RGS7: variants seen among roughly 807,000 people sequenced by gnomAD.
RGS7 encodes the protein regulator of G protein signaling 7, also known as regulator of G-protein signaling 7.
RGS7 carries 27 observed loss-of-function variants against 81.1 expected under a neutral mutation model. The ratio of observed to expected loss-of-function variants is 0.33; its 90% CI spans 0.25 to 0.46. The LOEUF (loss-of-function observed/expected upper bound fraction) is 0.46, where lower values mean the gene tolerates loss of function less well. Ranked by LOEUF, RGS7 falls within the 20% of genes least tolerant of loss-of-function variation. RGS7 has a pLI of 1.00. For missense variants in RGS7, 396 were observed against 607.4 expected (o/e 0.65, Z 3.66); for synonymous variants, 208 against 207.7 (o/e 1.00, Z -0.01).
intron 13 of RGS7, 72 bp from the exon 14 acceptor site, chr1:240,812,115 C>T (rs572612105): frequency 1.0e-5 from 16 of 1,557,842 alleles, no homozygotes; most frequent in Middle Eastern, 1.7e-4. Context: ...TTACATTCCC[C>T]TTCAAAATCA....
chr1:240,890,373 G>A (rs569848842), intron 6 of RGS7, among the ~76,000 whole-genome samples: 2 of 152,138 alleles, frequency 1.3e-5, no homozygotes, highest in South Asian at 4.1e-4. Context: ...AAATGGTCTC[G>A]ATCTCTTGAC....
chr1:241,328,275 T>C (rs913610612), intron 2 of RGS7, among the ~76,000 whole-genome samples: 2 of 152,248 alleles, frequency 1.3e-5, no homozygotes, highest in African/African-American at 4.8e-5. Flanking sequence ...CTTGTTCCAA[T>C]CATTTAGCTT....
intron 2 of RGS7, among the ~76,000 whole-genome samples, chr1:241,139,677 T>G (rs866567946): frequency 1.3e-5 from 2 of 152,210 alleles, no homozygotes; most frequent in African/African-American, 4.8e-5. Flanking sequence ...TGTCTGTCTT[T>G]TTTATTATAA....
intron 4 of RGS7, among the ~76,000 whole-genome samples, chr1:240,961,333 C>CGTT (rs10625268): frequency 6.6e-6 from 1 of 152,106 alleles, no homozygotes. Flanking sequence ...ATCTCCTCCT[C>CGTT]ATCAGATAAT....
chr1:241,126,843 C>T (rs1426312307), intron 2 of RGS7, among the ~76,000 whole-genome samples: 3 of 150,534 alleles, frequency 2.0e-5, no homozygotes, highest in African/African-American at 7.4e-5. Flanking sequence ...GACAGCATTG[C>T]CTAACTATAG....
chr1:241,144,215 T>TA lies in RGS7; in HGVS notation c.79-45454dup, dbSNP rs2068127581. Among the ~76,000 whole-genome samples, 1 of 152,130 alleles carries TA rather than the reference T, an allele frequency of 6.6e-6. No individual in the cohort carries two copies. Among genetic ancestry groups the TA allele is most frequent in the African/African-American group, 2.4e-5 (1 of 41,438 alleles). On this transcript the variant is annotated intron_variant, in intron 2 of 18. Transcript: ENST00000440928. The surrounding 1 kb of genome is among the most constrained non-coding windows in gnomAD (Gnocchi z 4.7). The stretch of plus-strand genomic sequence containing the variant: ...GAAGCTGAACAACAGTGTCTCCTGT[T>TA]AAAAAATTCAAATCCTCATCCAAAT...
intron 2 of RGS7, among the ~76,000 whole-genome samples, chr1:241,150,821 T>TGGC (rs2068692985): frequency 6.6e-6 from 1 of 151,690 alleles, no homozygotes; most frequent in African/African-American, 2.4e-5. Context: ...GCCAGGAGAG[T>TGGC]GGCTCAGTCC....
At chr1:241,132,904 A>C (rs1012632237) in intron 2 of RGS7, among the ~76,000 whole-genome samples, 3 of 152,044 alleles carry the variant, frequency 2.0e-5, no homozygotes, top group Non-Finnish European at 4.4e-5. Flanking sequence ...CTGGGATTAC[A>C]GGTGCCCACC....
At chr1:241,057,328 G>C (rs2148822772) in intron 3 of RGS7, among the ~76,000 whole-genome samples, 1 of 152,102 alleles carries the variant, frequency 6.6e-6, no homozygotes, top group Non-Finnish European at 1.5e-5. Context: ...CCTGAGCCTT[G>C]GGTTTCTCAT....
intron 9 of RGS7, among the ~76,000 whole-genome samples, chr1:240,846,283 AGATGATTTGCT>A (rs1347769923): frequency 6.6e-6 from 1 of 152,198 alleles, no homozygotes; most frequent in African/African-American, 2.4e-5. Flanking sequence ...ATTATGAAAG[AGATGATTTGCT>A]CTGCTTAAAT....
intron 3 of RGS7, among the ~76,000 whole-genome samples, chr1:241,014,861 G>A (rs1289201991): frequency 6.6e-6 from 1 of 152,166 alleles, no homozygotes; most frequent in Non-Finnish European, 1.5e-5. Flanking sequence ...AGAATAGGTT[G>A]GTTTCCGTCA....
chr1:240,797,156 A>G (rs1332691474), intron 18 of RGS7, among the ~76,000 whole-genome samples: 1 of 152,158 alleles, frequency 6.6e-6, no homozygotes, highest in East Asian at 1.9e-4. Flanking sequence ...AACTGTAGCT[A>G]CTTTCCGGGA....
chr1:241,353,752 T>C (rs1222753358), intron 2 of RGS7, among the ~76,000 whole-genome samples: 1 of 152,152 alleles, frequency 6.6e-6, no homozygotes, highest in Admixed American at 6.5e-5. Context: ...AATGAGGTAG[T>C]ACATTCTCTT....
At position 240,868,159 on chromosome 1, in the gene RGS7, G is replaced by GAAAGA; in HGVS notation, c.609+427_609+428insTCTTT. Reference sequence around the variant, plus strand: ...GAAAGAAAGAAAGAAAGAAAGAAAGGACGGAGGGAGGGAAGGACGAAGGAA... The same window carrying GAAAGA: ...GAAAGAAAGAAAGAAAGAAAGAAAGGAAAGAACGGAGGGAGGGAAGGACGAAGGAA... On this transcript the variant is annotated intron_variant, in intron 9 of 18. Transcript: ENST00000440928. The surrounding 1 kb of genome is among the most constrained non-coding windows in gnomAD (Gnocchi z 5.1). 1.1e-5 allele frequency among the ~76,000 whole-genome samples: 1 copy of GAAAGA among 90,816 alleles called. No individual in the cohort carries two copies. Among genetic ancestry groups the GAAAGA allele is most frequent in the Non-Finnish European group, 2.5e-5 (1 of 40,282 alleles). 59.6% of individuals were successfully genotyped at this position (90,816 alleles called of 152,430 possible). A position where few individuals can be genotyped will look rare whatever the true frequency, so the allele number is the denominator to read the frequency against.
At chr1:241,038,092 C>T (rs2060424216) in intron 3 of RGS7, among the ~76,000 whole-genome samples, 1 of 152,086 alleles carries the variant, frequency 6.6e-6, no homozygotes, top group African/African-American at 2.4e-5. Flanking sequence ...ATGTAATAAC[C>T]ACCTGCTTCC....
chr1:240,819,642 G>A (rs2103135801), intron 10 of RGS7, among the ~76,000 whole-genome samples: 1 of 152,296 alleles, frequency 6.6e-6, no homozygotes, highest in Admixed American at 6.5e-5. Context: ...GGAGGCTGAG[G>A]CAGGAGAATC....
chr1:241,207,370 T>C (rs2147898984), intron 2 of RGS7, among the ~76,000 whole-genome samples: 1 of 151,516 alleles, frequency 6.6e-6, no homozygotes, highest in Admixed American at 6.6e-5. Flanking sequence ...TGCGTAAATA[T>C]ACAGCTATGT....
intron 3 of RGS7, among the ~76,000 whole-genome samples, chr1:241,043,486 A>C (rs2060732736): frequency 6.7e-6 from 1 of 149,164 alleles, no homozygotes; most frequent in South Asian, 2.1e-4. Context: ...GTTGGTTGAA[A>C]CCCGCTAATA....
intron 18 of RGS7, among the ~76,000 whole-genome samples, chr1:240,795,615 C>T (rs1273577785): frequency 6.6e-6 from 1 of 152,010 alleles, no homozygotes; most frequent in East Asian, 1.9e-4. Flanking sequence ...TGTACTTTGA[C>T]CTATAAAAGC....
Sources: gnomAD v4.1 joint callset for allele counts (sites outside exome capture counted in the v4.1 genomes callset) on GRCh38, gnomAD v4.1.1 for gene constraint, Gnocchi (gnomAD v3.1) non-coding constraint, MANE v1.5 for transcripts, NCBI Gene and HGNC (gene_info 2026-07-23, HGNC 2026-07-21) for gene names.